The following INPP5A variants were observed in gnomAD, a reference collection of about 807,000 sequenced individuals.
The protein encoded by INPP5A is 43 kDa inositol polyphosphate 5-phophatase.
A neutral mutation model predicts 65.2 loss-of-function variants in INPP5A; 14 were observed. The ratio of observed to expected loss-of-function variants is 0.21; its 90% CI spans 0.14 to 0.34. The LOEUF (loss-of-function observed/expected upper bound fraction) is 0.34. Ranked by LOEUF, INPP5A falls within the 10% of genes least tolerant of loss-of-function variation. INPP5A has a pLI of 1.00. For missense variants in INPP5A, 431 were observed against 545.6 expected (o/e 0.79, Z 2.09); for synonymous variants, 207 against 208.3 (o/e 0.99, Z 0.05).
At chr10:132,576,561 C>G (rs2071413989) in intron 1 of INPP5A, among the ~76,000 whole-genome samples, 1 of 152,180 alleles carries the variant, frequency 6.6e-6, no homozygotes, top group Non-Finnish European at 1.5e-5. Flanking sequence ...CTGCATCCAC[C>G]CTCTCTGGGG....
intron 11 of INPP5A, among the ~76,000 whole-genome samples, chr10:132,754,865 G>C: frequency 6.6e-6 from 1 of 152,354 alleles, no homozygotes; most frequent in East Asian, 1.9e-4. Context: ...GTGTGTCAGC[G>C]TGTGTGCGTG....
intron 1 of INPP5A, among the ~76,000 whole-genome samples, chr10:132,586,691 G>A (rs1030368808): frequency 1.3e-5 from 2 of 152,266 alleles, no homozygotes; most frequent in East Asian, 1.9e-4. Context: ...TGATGGCGCT[G>A]CTGGTGATTT....
intron 1 of INPP5A, among the ~76,000 whole-genome samples, chr10:132,573,769 G>A (rs1343546708): frequency 7.8e-6 from 1 of 127,816 alleles, no homozygotes; most frequent in Admixed American, 7.5e-5. Context: ...ATGTTGGGGT[G>A]TGTGTGCCGT....
intron 8 of INPP5A, among the ~76,000 whole-genome samples, chr10:132,719,483 G>A (rs1189204024): frequency 6.8e-6 from 1 of 147,744 alleles, no homozygotes; most frequent in Non-Finnish European, 1.5e-5. Flanking sequence ...CTGTCTTGCG[G>A]GTTCTGTGGT....
chr10:132,585,610 G>A (rs2071536166), intron 1 of INPP5A, among the ~76,000 whole-genome samples: 2 of 152,160 alleles, frequency 1.3e-5, no homozygotes, highest in Admixed American at 1.3e-4. Context: ...GTGCTGGACT[G>A]GAAGCTCCAC....
intron 4 of INPP5A, among the ~76,000 whole-genome samples, chr10:132,669,037 G>A (rs546153442): frequency 2.0e-5 from 3 of 152,186 alleles, no homozygotes; most frequent in African/African-American, 4.8e-5. Flanking sequence ...GGTGGGTCAC[G>A]AGGTCAGGAG....
chr10:132,758,331 A>G (rs1176238120), intron 11 of INPP5A, among the ~76,000 whole-genome samples: 3 of 111,936 alleles, frequency 2.7e-5, no homozygotes, highest in Non-Finnish European at 5.7e-5. Context: ...CCACACCCAT[A>G]GCCCGGCACC....
chr10:132,730,701 C>T (rs1039317929), intron 9 of INPP5A, among the ~76,000 whole-genome samples: 8 of 152,188 alleles, frequency 5.3e-5, no homozygotes, highest in African/African-American at 4.8e-5. Context: ...TAAGCAGGAA[C>T]GTGGCAGAGC....
intron 6 of INPP5A, among the ~76,000 whole-genome samples, chr10:132,703,814 C>A (rs1352612597): frequency 2.2e-5 from 2 of 89,778 alleles, no homozygotes; most frequent in Non-Finnish European, 2.2e-5. Flanking sequence ...GGCTTCACTC[C>A]CACACACACA....
chr10:132,747,394 G>A (rs1846389595), intron 9 of INPP5A, among the ~76,000 whole-genome samples: 1 of 152,290 alleles, frequency 6.6e-6, no homozygotes, highest in East Asian at 1.9e-4. Flanking sequence ...CTGCCCTGGA[G>A]TGTGCTTTGG....
intron 4 of INPP5A, among the ~76,000 whole-genome samples, chr10:132,672,066 C>T (rs2072899252): frequency 6.6e-6 from 1 of 152,194 alleles, no homozygotes; most frequent in South Asian, 2.1e-4. Context: ...TTCAGTAGTT[C>T]CTTTCCCAAG....
intron 4 of INPP5A, among the ~76,000 whole-genome samples, chr10:132,688,417 C>A (rs1845178169): frequency 6.6e-6 from 1 of 152,186 alleles, no homozygotes; most frequent in South Asian, 2.1e-4. Flanking sequence ...GTGTGTGGGA[C>A]GTTTAGCTTG....
intron 11 of INPP5A, among the ~76,000 whole-genome samples, chr10:132,760,983 A>G (rs1846723028): frequency 6.6e-6 from 1 of 152,210 alleles, no homozygotes; most frequent in African/African-American, 2.4e-5. Context: ...TCCAGGGGGA[A>G]TTTCAGAAAG....
In INPP5A at chr10:132,674,209, CT is replaced by C; in HGVS notation, c.307-16180del. ...GTCCACATACCTCTTCCCCAGATTT[CT>C]TTGTCACAATTTTCCAATCATGCTT... is the stretch of plus-strand genomic sequence containing the variant. On this transcript the variant is annotated intron_variant, in intron 4 of 15. Coordinates refer to ENST00000368594, the MANE Select transcript of INPP5A (RefSeq NM_005539.5). The surrounding 1 kb of genome is among the most constrained non-coding windows in gnomAD (Gnocchi z 4.4). 6.6e-6 allele frequency among the ~76,000 whole-genome samples: 1 copy of C among 152,334 alleles called. No individual in the cohort carries two copies. Among genetic ancestry groups the C allele is most frequent in the African/African-American group, 2.4e-5 (1 of 41,570 alleles).
chr10:132,782,218 G>C lies in INPP5A; in HGVS notation c.*189G>C. 2 of 704,928 alleles carry C rather than the reference G, an allele frequency of 2.8e-6. No individual in the cohort carries two copies. Among genetic ancestry groups the C allele is most frequent in the South Asian group, 1.6e-5 (1 of 61,502 alleles). 43.7% of individuals were successfully genotyped at this position (704,928 alleles called of 1,614,324 possible). On this transcript the variant is annotated 3_prime_UTR_variant, in exon 16 of 16. Coordinates refer to ENST00000368594, the MANE Select transcript of INPP5A (RefSeq NM_005539.5). This position sits in a 1 kb window ranked among gnomAD's most constrained non-coding sequence, Gnocchi z 4.4. ...GCAGCCTCACATACCTCACTGTCTC[G>C]TCTGTCTATGTGACATTAAGTAGAA...
At position 132,706,855 on chromosome 10, in the gene INPP5A, AGCCACTGTGCT is replaced by A; in HGVS notation, c.475-1453_475-1443del. ...CAGGAGAAGGAGACAGGGCTGCAGGAGCCACTGTGCTGCCAGGTGCCGCCAACAGGCCAGGC... is the reference window on the plus strand; with the variant it reads ...CAGGAGAAGGAGACAGGGCTGCAGGAGCCAGGTGCCGCCAACAGGCCAGGC... On this transcript the variant is annotated intron_variant, in intron 6 of 15. Transcript: ENST00000368594. This position sits in a 1 kb window ranked among gnomAD's most constrained non-coding sequence, Gnocchi z 4.7. 6.6e-6 allele frequency among the ~76,000 whole-genome samples: 1 copy of A among 152,204 alleles called. No individual in the cohort carries two copies. Among genetic ancestry groups the A allele is most frequent in the South Asian group, 2.1e-4 (1 of 4,818 alleles).
rs999180083 is a variant in INPP5A, at chr10:132,564,557, G to A, written c.75+26386G>A. ...GTCGGTGGCCGTGAAAATAGCACTG[G>A]CAATGGAGGGTCGTTTCCAACAGTT... is the stretch of plus-strand genomic sequence containing the variant. On this transcript the variant is annotated intron_variant, in intron 1 of 15. Coordinates refer to ENST00000368594, the MANE Select transcript of INPP5A (RefSeq NM_005539.5). Among the ~76,000 whole-genome samples, 3 of 152,278 alleles carry A rather than the reference G, an allele frequency of 2.0e-5. No individual in the cohort carries two copies. In the East Asian group the frequency reaches 5.8e-4, roughly 29 times the overall value.
rs1325201462 is a variant in INPP5A, at chr10:132,705,335, A to G, written c.475-2978A>G. ...CTGCCACCCCGCCACCCCGCCATAG[A>G]GCTCCCTGGGTCGTCTGGGCATGGC... On this transcript the variant is annotated intron_variant, in intron 6 of 15. Transcript: ENST00000368594. This position sits in a 1 kb window ranked among gnomAD's most constrained non-coding sequence, Gnocchi z 4.9. Among the ~76,000 whole-genome samples, 1 of 152,178 alleles carries G rather than the reference A, an allele frequency of 6.6e-6. No homozygotes were observed. The highest frequency in any genetic ancestry group is 1.5e-5 in the Non-Finnish European group (1 of 68,022).
At position 132,753,029 on chromosome 10, in the gene INPP5A, G is replaced by A. The variant is rs566962211; in HGVS notation, c.903+3184G>A. Reference sequence around the variant, plus strand: ...GAAAGGCGGCCTGAGCTCAGGAGGCGCCTTCTGAGGCTGTTTCTCATGAGA... The same window carrying A: ...GAAAGGCGGCCTGAGCTCAGGAGGCACCTTCTGAGGCTGTTTCTCATGAGA... On this transcript the variant is annotated intron_variant, in intron 11 of 15. Coordinates refer to ENST00000368594, the MANE Select transcript of INPP5A (RefSeq NM_005539.5). This position sits in a 1 kb window ranked among gnomAD's most constrained non-coding sequence, Gnocchi z 5.3. 9.1e-4 allele frequency among the ~76,000 whole-genome samples: 138 copies of A among 152,250 alleles called. No individual in the cohort carries two copies. Among genetic ancestry groups the A allele is most frequent in the Admixed American group, 2.7e-3 (41 of 15,306 alleles).
Sources: gnomAD v4.1 joint callset for allele counts (sites outside exome capture counted in the v4.1 genomes callset) on GRCh38, gnomAD v4.1.1 for gene constraint, Gnocchi (gnomAD v3.1) non-coding constraint, MANE v1.5 for transcripts, NCBI Gene and HGNC (gene_info 2026-07-23, HGNC 2026-07-21) for gene names.